Variants in FREM2 observed in about 807,000 individuals in gnomAD.
FREM2 encodes FRAS1 related extracellular matrix 2.
FREM2 carries 119 observed loss-of-function variants against 219.9 expected under a neutral mutation model. The ratio of observed to expected loss-of-function variants is 0.54; its 90% CI spans 0.47 to 0.63. FREM2 has a LOEUF of 0.63. Among genes scored for constraint, FREM2 ranks in the 30% least tolerant of loss-of-function variants. FREM2 has a pLI of 0.00. For synonymous variants in FREM2, 1,562 were observed against 1,522.8 expected, an observed-to-expected ratio of 1.03 and a Z score of -0.60; for missense variants, 4,030 against 3,993.6, an observed-to-expected ratio of 1.01 and a Z score of -0.25.
In FREM2 at chr13:38,737,185, C is replaced by T. The variant is rs543621631; in HGVS notation, c.5264-27119C>T. On this transcript the variant is annotated intron_variant, in intron 2 of 23. Coordinates refer to ENST00000280481, the MANE Select transcript of FREM2 (RefSeq NM_207361.6). ...ACCTTCATTTTTGCATCTGCCACCC[C>T]TAATACAGACCCTTGAATGTGGCAA... is the stretch of plus-strand genomic sequence containing the variant. Among the ~76,000 whole-genome samples the T allele has an allele frequency of 3.3e-5, 5 of 152,272 alleles. No individual in the cohort carries two copies. In the South Asian group the frequency reaches 1.0e-3, roughly 32 times the overall value.
At chr13:38,839,244 C>T (rs1000271285) in intron 6 of FREM2, among the ~76,000 whole-genome samples, 3 of 152,310 alleles carry the variant, frequency 2.0e-5, no homozygotes, top group Admixed American at 6.5e-5. Flanking sequence ...CTGCAGTTTG[C>T]TGTGGTTCCC....
chr13:38,880,316 G>A lies in FREM2; in HGVS notation c.9039G>A (p.Thr3013=), dbSNP rs778921769. 5.3e-5 allele frequency: 85 copies of A among 1,613,808 alleles called. No individual in the cohort carries two copies. The highest frequency in any genetic ancestry group is 6.9e-5 in the Non-Finnish European group (81 of 1,179,930). The part of the protein sequence containing the change: ...VALGREWYIH[T]IYTVRSKDNA... ...TAGGCCGAGAATGGTATATACATAC[G>A]ATCTATACAGTGAGATCGAAAGACA... The change falls in exon 24 of 24, where the codon ACG becomes ACA. Residue 3013 remains threonine, a synonymous_variant. Transcript: ENST00000280481.
rs143308255 is a variant in FREM2 at position 38,776,224 on chromosome 13, G to T, written c.5641+6416G>T. On this transcript the variant is annotated intron_variant, in intron 4 of 23. Coordinates refer to ENST00000280481, the MANE Select transcript of FREM2 (RefSeq NM_207361.6). ...GAGGGCACCATAGTGGCCTGAAAAT[G>T]CACTGGAATCTGGAATGTCTTCTGA... Among the ~76,000 whole-genome samples the T allele has an allele frequency of 2.2e-3, 336 of 152,308 alleles. 2 individuals carry two copies. The highest frequency in any genetic ancestry group is 7.7e-3 in the African/African-American group (321 of 41,582).
At chr13:38,695,171 G>A (rs537285655) in intron 1 of FREM2, among the ~76,000 whole-genome samples, 2 of 152,170 alleles carry the variant, frequency 1.3e-5, no homozygotes, top group Middle Eastern at 3.4e-3. Context: ...AAAGCTAGAC[G>A]TTATTACATT....
chr13:38,878,791 C>T (rs780494002), intron 22 of FREM2, 40 bp from the exon 23 acceptor site: 2 of 1,599,244 alleles, frequency 1.3e-6, no homozygotes, highest in Non-Finnish European at 1.7e-6. Context: ...AAAGCCGTGG[C>T]ATTATCTACA....
chr13:38,779,450 GAAATTGGAGTT>G (rs1249854237), intron 4 of FREM2: 7 of 151,798 alleles, frequency 4.6e-5, no homozygotes, highest in African/African-American at 1.5e-4. Flanking sequence ...GTCACATACT[GAAATTGGAGTT>G]AGCACGGCCC....
intron 2 of FREM2, among the ~76,000 whole-genome samples, chr13:38,703,431 A>T (rs1257248657): frequency 6.6e-6 from 1 of 152,156 alleles, no homozygotes; most frequent in Non-Finnish European, 1.5e-5. Flanking sequence ...AAATATTTTT[A>T]ATCTGTGAGA....
At chr13:38,754,889 G>T (rs60830177) in intron 2 of FREM2, among the ~76,000 whole-genome samples, 6,428 of 81,646 alleles carry the variant, frequency 0.079, 197 homozygotes, top group Middle Eastern at 0.14. Context: ...TGATGATGAT[G>T]ATGATGATGA....
chr13:38,811,338 C>A (rs1432396564), intron 6 of FREM2, among the ~76,000 whole-genome samples: 1 of 151,820 alleles, frequency 6.6e-6, no homozygotes. Flanking sequence ...AATTCTTCTA[C>A]TAATTTTGGT....
chr13:38,782,490 A>G (rs1874156902), intron 4 of FREM2, among the ~76,000 whole-genome samples: 2 of 152,214 alleles, frequency 1.3e-5, no homozygotes, highest in South Asian at 4.1e-4. Flanking sequence ...TATCAATTCT[A>G]AGGGAACAGC....
chr13:38,750,490 A>G (rs913456726), intron 2 of FREM2, among the ~76,000 whole-genome samples: 4 of 152,142 alleles, frequency 2.6e-5, no homozygotes, highest in East Asian at 1.9e-4. Flanking sequence ...ATACTCTACT[A>G]TGTATATAGA....
At chr13:38,790,639 G>A (rs2137838086) in intron 6 of FREM2, among the ~76,000 whole-genome samples, 2 of 152,276 alleles carry the variant, frequency 1.3e-5, no homozygotes, top group East Asian at 3.9e-4. Context: ...CCATGGCTGA[G>A]TCAAAGATGG....
intron 4 of FREM2, among the ~76,000 whole-genome samples, chr13:38,774,052 C>A (rs1054387515): frequency 1.1e-4 from 16 of 151,600 alleles, no homozygotes; most frequent in African/African-American, 3.9e-4. Context: ...TCTTCTTTCC[C>A]CTGAGTTATG....
At chr13:38,804,857 T>G (rs1875162159) in intron 6 of FREM2, among the ~76,000 whole-genome samples, 1 of 152,134 alleles carries the variant, frequency 6.6e-6, no homozygotes, top group African/African-American at 2.4e-5. Flanking sequence ...CCCAGCTCCT[T>G]GGATTGGGAG....
intron 6 of FREM2, among the ~76,000 whole-genome samples, chr13:38,836,336 C>T (rs556920388): frequency 1.1e-4 from 17 of 152,186 alleles, no homozygotes; most frequent in African/African-American, 3.1e-4. Flanking sequence ...CTGCTGGATT[C>T]GGTTTGCCAG....
chr13:38,867,449 A>G (rs926386368), intron 16 of FREM2, among the ~76,000 whole-genome samples: 17 of 152,380 alleles, frequency 1.1e-4, no homozygotes, highest in East Asian at 3.9e-4. Context: ...TGGTAATACA[A>G]TTTAATAAAA....
At position 38,848,487 on chromosome 13, in the gene FREM2, C is replaced by T. The variant is rs9548505; in HGVS notation, c.6196C>T (p.Arg2066Cys). The T allele has an allele frequency of 0.12, 189,940 of 1,612,642 alleles. 13,190 individuals carry two copies. The highest frequency in any genetic ancestry group is 0.29 in the Admixed American group (17,370 of 59,986). Residue 2066 changes from arginine (R) to cysteine (C), a missense_variant, in exon 8 of 24, where the codon CGT (arginine) becomes TGT (cysteine). Around this residue, in one of 2 missense-constraint regions of FREM2, gnomAD observed 3,102 missense variants for 2,950.7 expected, o/e 1.05. Transcript: ENST00000280481. ...TGGAACAGACTATGTGGGCATCAGC[C>T]GTAATTTAGATTTTGCACCTGGAGT... ...DAGTDYVGISRNLDFAPGVNM... is the reference protein window; with the variant it reads ...DAGTDYVGISCNLDFAPGVNM...
intron 6 of FREM2, among the ~76,000 whole-genome samples, chr13:38,825,256 A>G (rs540938021): frequency 6.6e-6 from 1 of 152,206 alleles, no homozygotes; most frequent in Non-Finnish European, 1.5e-5. Flanking sequence ...TCATATCCCC[A>G]GTATGGAGCA....
chr13:38,783,589 G>A (rs748696840), intron 5 of FREM2, among the ~76,000 whole-genome samples: 20 of 151,780 alleles, frequency 1.3e-4, no homozygotes, highest in Non-Finnish European at 2.6e-4. Flanking sequence ...TTTTGCTCAT[G>A]AGCAAATATC....
Sources: allele counts gnomAD v4.1 joint callset (sites outside exome capture counted in the v4.1 genomes callset), GRCh38; gene constraint gnomAD v4.1.1; regional missense constraint gnomAD v4.1.1; transcripts MANE v1.5; gene names NCBI Gene and HGNC (gene_info 2026-07-23, HGNC 2026-07-21).